FUT8: variants seen among roughly 807,000 people sequenced by gnomAD.
FUT8 encodes the protein alpha-(1,6)-fucosyltransferase.
A neutral mutation model predicts 71.3 loss-of-function variants in FUT8; 29 were observed. That is an observed-to-expected ratio of 0.41 (90% CI 0.30 to 0.55). The LOEUF is 0.55. Ranked by LOEUF, FUT8 falls within the 20% of genes least tolerant of loss-of-function variation. The pLI is 0.34. For synonymous variants in FUT8, 254 were observed against 239.3 expected, an observed-to-expected ratio of 1.06 and a Z score of -0.57; for missense variants, 544 against 702.1, an observed-to-expected ratio of 0.77 and a Z score of 2.55.
At chr14:65,726,441 G>A (rs751636303) in intron 9 of FUT8, among the ~76,000 whole-genome samples, 1 of 152,218 alleles carries the variant, frequency 6.6e-6, no homozygotes, top group Non-Finnish European at 1.5e-5. Flanking sequence ...CACAATCTTG[G>A]TAGAAGGTGA....
intron 6 of FUT8, among the ~76,000 whole-genome samples, chr14:65,653,413 T>C (rs1274944654): frequency 2.0e-5 from 3 of 152,160 alleles, no homozygotes; most frequent in Non-Finnish European, 4.4e-5. Flanking sequence ...GATACCTTTA[T>C]AAAGATATGT....
chr14:65,369,360 AT>A, the FUT8 span, among the ~76,000 whole-genome samples: 1 of 152,164 alleles, frequency 6.6e-6, no homozygotes, highest in African/African-American at 2.4e-5. This position sits in a 1 kb window ranked among gnomAD's most constrained non-coding sequence, Gnocchi z 4.6. Context: ...AAATTTCGAG[AT>A]TGTGTCTCTG....
chr14:65,636,942 A>G (rs1003126493), intron 6 of FUT8, among the ~76,000 whole-genome samples: 1 of 152,220 alleles, frequency 6.6e-6, no homozygotes, highest in Non-Finnish European at 1.5e-5. Flanking sequence ...GACAACCCTA[A>G]TAGACAAGTA....
upstream of FUT8, among the ~76,000 whole-genome samples, chr14:65,406,202 A>C (rs972112016): frequency 1.3e-5 from 2 of 152,238 alleles, no homozygotes; most frequent in Admixed American, 6.5e-5. Context: ...TGTATACAAC[A>C]TTTACTATAT....
intron 2 of FUT8, among the ~76,000 whole-genome samples, chr14:65,559,797 GT>G (rs1243860097): frequency 3.9e-5 from 6 of 152,066 alleles, no homozygotes; most frequent in Non-Finnish European, 8.8e-5. Context: ...GTTTAGAGGA[GT>G]GGGGATTGAG....
intron 3 of FUT8, among the ~76,000 whole-genome samples, chr14:65,590,258 A>G (rs775983559): frequency 6.6e-5 from 10 of 152,220 alleles, no homozygotes; most frequent in Non-Finnish European, 1.2e-4. Flanking sequence ...TGAAACAGGA[A>G]AAGCATTGAT....
Position 65,726,134 on chromosome 14 carries a change from TA to T in FUT8, c.1259+1818del, listed in dbSNP as rs1895676516. On this transcript the variant is annotated intron_variant, in intron 9 of 10. Coordinates refer to ENST00000673929, the MANE Select transcript of FUT8 (RefSeq NM_001371533.1). Reference sequence around the variant, plus strand: ...ATGAACATTTGGGCACAAAACACAATAAAAAAATGTATAGTTTACCATGTTT... The same window carrying T: ...ATGAACATTTGGGCACAAAACACAATAAAAAATGTATAGTTTACCATGTTT... 2.0e-5 allele frequency among the ~76,000 whole-genome samples: 3 copies of T among 152,196 alleles called. 1 individual carries two copies. The highest frequency in any genetic ancestry group is 4.1e-4 in the South Asian group (2 of 4,822).
chr14:65,418,497 A>C (rs889148450), intron 1 of FUT8, among the ~76,000 whole-genome samples: 2 of 152,244 alleles, frequency 1.3e-5, no homozygotes, highest in Non-Finnish European at 2.9e-5. Context: ...CCAACATTCC[A>C]TAAGCTAATC....
chr14:65,562,597 G>A (rs1181297022), intron 3 of FUT8, among the ~76,000 whole-genome samples: 1 of 151,992 alleles, frequency 6.6e-6, no homozygotes, highest in Non-Finnish European at 1.5e-5. Flanking sequence ...TCTTATATGC[G>A]AAGATGATCA....
chr14:65,377,461 C>T, the FUT8 span, among the ~76,000 whole-genome samples: 1 of 152,070 alleles, frequency 6.6e-6, no homozygotes, highest in Non-Finnish European at 1.5e-5. Context: ...TAAATCAAAG[C>T]TGCATGGGTT....
chr14:65,737,555 T>C (rs1221592257), intron 10 of FUT8, among the ~76,000 whole-genome samples: 1 of 152,130 alleles, frequency 6.6e-6, no homozygotes, highest in Non-Finnish European at 1.5e-5. Flanking sequence ...ATAACAGCAG[T>C]TGACAGCCCA....
chr14:65,398,536 C>G, the FUT8 span, among the ~76,000 whole-genome samples: 1 of 151,996 alleles, frequency 6.6e-6, no homozygotes. Context: ...GAGATCAAGA[C>G]GATTCTGGCC....
In FUT8 at chr14:65,743,114, G is replaced by A. The variant is rs1324192260; in HGVS notation, c.*704G>A. 1 of 151,992 alleles carries A rather than the reference G, an allele frequency of 6.6e-6. No homozygotes were observed. Among genetic ancestry groups the A allele is most frequent in the Non-Finnish European group, 1.5e-5 (1 of 67,812 alleles). The allele number at this position is 151,992 out of a possible 1,614,324, so 9.4% of individuals were successfully genotyped here. A position where few individuals can be genotyped will look rare whatever the true frequency, so the allele number is the denominator to read the frequency against. ...CTCAATGTTTCTGGACATTCTCTTTGATAACAAAAAATAAATTTTAAAAAG... is the reference window on the plus strand; with the variant it reads ...CTCAATGTTTCTGGACATTCTCTTTAATAACAAAAAATAAATTTTAAAAAG... On this transcript the variant is annotated 3_prime_UTR_variant, in exon 11 of 11. Coordinates refer to ENST00000673929, the MANE Select transcript of FUT8 (RefSeq NM_001371533.1).
chr14:65,644,800 G>A (rs1213825089), intron 6 of FUT8, among the ~76,000 whole-genome samples: 1 of 152,020 alleles, frequency 6.6e-6, no homozygotes, highest in Non-Finnish European at 1.5e-5. Flanking sequence ...TCTATTTCAA[G>A]AAACCTTATT....
At position 65,471,440 on chromosome 14, in the gene FUT8, G is replaced by T. The variant is rs79906325; in HGVS notation, c.-228+15722G>T. Among the ~76,000 whole-genome samples, 650 of 151,804 alleles carry T rather than the reference G, an allele frequency of 4.3e-3. 3 individuals are homozygous for T. Among genetic ancestry groups the T allele is most frequent in the East Asian group, 0.036 (185 of 5,162 alleles). ...TCTTCCCCTGCTGCAAGCAGGAGGG[G>T]TTTTTTTTCAGATCTTTACCATGAG... On this transcript the variant is annotated intron_variant, in intron 2 of 10. Transcript: ENST00000673929.
At chr14:65,514,410 T>A (rs1484543462) in intron 2 of FUT8, among the ~76,000 whole-genome samples, 1 of 151,986 alleles carries the variant, frequency 6.6e-6, no homozygotes, top group East Asian at 2.0e-4. Flanking sequence ...TAGAACAGAT[T>A]TCTGCCGAAT....
intron 2 of FUT8, among the ~76,000 whole-genome samples, chr14:65,470,038 G>A (rs1316231053): frequency 6.6e-6 from 1 of 152,212 alleles, no homozygotes; most frequent in Non-Finnish European, 1.5e-5. Context: ...ACTTTCCATG[G>A]CTCCCAGGCT....
At chr14:65,648,574 A>G (rs1208569725) in intron 6 of FUT8, among the ~76,000 whole-genome samples, 1 of 152,208 alleles carries the variant, frequency 6.6e-6, no homozygotes, top group South Asian at 2.1e-4. Flanking sequence ...GAGCACAGTG[A>G]TCTTCTTAAA....
chr14:65,629,834 A>ACG (rs1890089342), intron 6 of FUT8, among the ~76,000 whole-genome samples: 1 of 115,168 alleles, frequency 8.7e-6, no homozygotes, highest in African/African-American at 3.7e-5. Context: ...ACACGTACAC[A>ACG]CACACACACA....
Sources: gnomAD v4.1 joint callset for allele counts (sites outside exome capture counted in the v4.1 genomes callset) on GRCh38, gnomAD v4.1.1 for gene constraint, Gnocchi (gnomAD v3.1) non-coding constraint, MANE v1.5 for transcripts, NCBI Gene and HGNC (gene_info 2026-07-23, HGNC 2026-07-21) for gene names.